Variants in MAN2A1 observed in about 807,000 individuals in gnomAD.
The protein encoded by MAN2A1 is alpha-mannosidase 2.
MAN2A1 carries 76 observed loss-of-function variants against 142.6 expected under a neutral mutation model. The ratio of observed to expected loss-of-function variants is 0.53; its 90% CI spans 0.44 to 0.65. The LOEUF (loss-of-function observed/expected upper bound fraction) is 0.65. Ranked by LOEUF, MAN2A1 falls within the 30% of genes least tolerant of loss-of-function variation. The probability of loss-of-function intolerance (pLI) is 0.00; values close to 1 mark genes in which losing one functional copy is unlikely to be tolerated. For missense variants in MAN2A1, 1,311 were observed against 1,365.1 expected, an observed-to-expected ratio of 0.96 and a Z score of 0.62; for synonymous variants, 559 against 473.2, an observed-to-expected ratio of 1.18 and a Z score of -2.35.
chr5:109,708,988 A>G (rs1751219479), intron 1 of MAN2A1, among the ~76,000 whole-genome samples: 1 of 152,216 alleles, frequency 6.6e-6, no homozygotes, highest in African/African-American at 2.4e-5. Context: ...GGGCAGCTCA[A>G]TAATTCTAAT....
At chr5:109,739,683 A>G (rs1752210462) in intron 4 of MAN2A1, among the ~76,000 whole-genome samples, 1 of 152,212 alleles carries the variant, frequency 6.6e-6, no homozygotes, top group African/African-American at 2.4e-5. Flanking sequence ...AACATGGTGT[A>G]ACTTGCCTTG....
chr5:109,821,970 A>G (rs17162308), intron 15 of MAN2A1, among the ~76,000 whole-genome samples: 26,729 of 151,606 alleles, frequency 0.18, 3,279 homozygotes, highest in East Asian at 0.64. Flanking sequence ...ATACCTCAAG[A>G]TCAGTGAAAT....
At chr5:109,780,544 G>A (rs398050288) in intron 8 of MAN2A1, among the ~76,000 whole-genome samples, 3 of 142,520 alleles carry the variant, frequency 2.1e-5, no homozygotes, top group South Asian at 4.7e-4. Context: ...GTGTGTGTGT[G>A]TGTGTATGTG....
intron 19 of MAN2A1, among the ~76,000 whole-genome samples, chr5:109,848,763 ACT>A (rs936742140): frequency 1.6e-4 from 24 of 151,998 alleles, no homozygotes; most frequent in Admixed American, 5.9e-4. Context: ...GCTTTTGAAC[ACT>A]CTGTTTTCTT....
At chr5:109,819,562 C>G (rs1219437195) in intron 13 of MAN2A1, 107 bp from the exon 14 acceptor site, 7 of 618,856 alleles carry the variant, frequency 1.1e-5, no homozygotes, top group African/African-American at 1.9e-5. Flanking sequence ...ACTGGATTCT[C>G]TTTTTAAAAA....
chr5:109,831,285 G>C (rs1295229831), intron 16 of MAN2A1, among the ~76,000 whole-genome samples: 1 of 152,204 alleles, frequency 6.6e-6, no homozygotes, highest in Non-Finnish European at 1.5e-5. Flanking sequence ...GAGTGAGTGA[G>C]CCAGATGGGT....
At chr5:109,728,674 T>C (rs1419421986) in intron 3 of MAN2A1, among the ~76,000 whole-genome samples, 2 of 152,226 alleles carry the variant, frequency 1.3e-5, no homozygotes, top group Admixed American at 6.5e-5. Flanking sequence ...TACAGTTCTC[T>C]TTTTGAAAAA....
intron 8 of MAN2A1, among the ~76,000 whole-genome samples, chr5:109,780,603 C>T (rs1215446203): frequency 6.7e-6 from 1 of 149,562 alleles, no homozygotes; most frequent in Middle Eastern, 3.2e-3. Flanking sequence ...GAACACATTC[C>T]CTGTTAAATA....
intron 12 of MAN2A1, chr5:109,804,417 T>C (rs763383007): frequency 9.8e-6 from 3 of 305,948 alleles, no homozygotes; most frequent in Middle Eastern, 1.1e-3. Flanking sequence ...AACTGAAACA[T>C]AGGGTTTCAG....
intron 4 of MAN2A1, among the ~76,000 whole-genome samples, chr5:109,752,756 C>T (rs1027452413): frequency 1.3e-5 from 2 of 152,146 alleles, no homozygotes; most frequent in Non-Finnish European, 2.9e-5. Context: ...GTTTTTCATG[C>T]CTCCTCAAAA....
intron 4 of MAN2A1, among the ~76,000 whole-genome samples, chr5:109,733,792 T>A (rs1010666205): frequency 1.3e-5 from 2 of 152,088 alleles, no homozygotes; most frequent in African/African-American, 2.4e-5. Flanking sequence ...TTTTGCATCA[T>A]TGTTCATCAA....
chr5:109,867,041 C>T lies in MAN2A1; in HGVS notation c.*43C>T. ...GGATTGAGAATCATTGGCTTTTATA[C>T]CTTTCTTGGTTTGACGTGCAATAAA... On this transcript the variant is annotated 3_prime_UTR_variant, in exon 22 of 22. Coordinates refer to ENST00000261483, the MANE Select transcript of MAN2A1 (RefSeq NM_002372.4). 6.4e-7 allele frequency: 1 copy of T among 1,556,818 alleles called. No individual in the cohort carries two copies. Among genetic ancestry groups the T allele is most frequent in the Non-Finnish European group, 8.7e-7 (1 of 1,144,542 alleles).
Position 109,817,403 on chromosome 5 carries a change from G to A in MAN2A1, c.2074G>A (p.Asp692Asn). 1.2e-6 allele frequency: 2 copies of A among 1,613,970 alleles called. No individual in the cohort carries two copies. The highest frequency in any genetic ancestry group is 1.7e-6 in the Non-Finnish European group (2 of 1,179,966). ...PVEVQVSAVW[D>N]TANTISETAY... ...GGAAGTTCAAGTCAGCGCAGTTTGG[G>A]ATACAGCAAATACTATTTCAGAAAC... Residue 692 changes from aspartate to asparagine, a missense_variant, in exon 13 of 22, where the codon GAT (aspartate) becomes AAT (asparagine). This residue lies in a region of MAN2A1 where 890 missense variants were observed against 920.5 expected (regional missense o/e 0.97). Coordinates refer to ENST00000261483, the MANE Select transcript of MAN2A1 (RefSeq NM_002372.4).
At chr5:109,816,754 G>A (rs1224626468) in intron 12 of MAN2A1, among the ~76,000 whole-genome samples, 6 of 151,986 alleles carry the variant, frequency 3.9e-5, no homozygotes, top group African/African-American at 1.2e-4. Flanking sequence ...GAATAAAACC[G>A]TATTTATATA....
At chr5:109,705,453 T>C (rs1751103369) in intron 1 of MAN2A1, among the ~76,000 whole-genome samples, 1 of 152,138 alleles carries the variant, frequency 6.6e-6, no homozygotes, top group South Asian at 2.1e-4. Context: ...GAAGACAGTT[T>C]ATGAGGTTGC....
intron 21 of MAN2A1, among the ~76,000 whole-genome samples, chr5:109,865,567 G>A (rs767938358): frequency 6.6e-6 from 1 of 152,206 alleles, no homozygotes; most frequent in Non-Finnish European, 1.5e-5. Flanking sequence ...CCATAAAGAA[G>A]CAACTGGGAA....
Position 109,770,357 on chromosome 5 carries a change from C to T in MAN2A1, c.1012C>T (p.Leu338=), listed in dbSNP as rs1298481982. The part of the protein sequence containing the change: ...LEFFWRQNWD[L]GSVTDILCHM... Reference sequence around the variant, plus strand: ...TGTGTGTTGGCTCTTTATTTTAGATCTGGGATCTGTCACAGATATTTTATG... The same window carrying T: ...TGTGTGTTGGCTCTTTATTTTAGATTTGGGATCTGTCACAGATATTTTATG... The change falls in exon 7 of 22, where the codon CTG becomes TTG. Residue 338 remains leucine (L), a splice_region_variant and synonymous_variant. Coordinates refer to ENST00000261483, the MANE Select transcript of MAN2A1 (RefSeq NM_002372.4). The T allele has an allele frequency of 1.2e-6, 2 of 1,610,434 alleles. No homozygotes were observed. Among genetic ancestry groups the T allele is most frequent in the Middle Eastern group, 1.7e-4 (1 of 6,040 alleles).
intron 12 of MAN2A1, among the ~76,000 whole-genome samples, chr5:109,795,511 A>T (rs2112687577): frequency 6.6e-6 from 1 of 152,318 alleles, no homozygotes; most frequent in Admixed American, 6.5e-5. Context: ...CAGTTGTAGG[A>T]ATACCAAAAC....
chr5:109,794,985 A>G (rs1399210812), intron 12 of MAN2A1, among the ~76,000 whole-genome samples: 2 of 152,120 alleles, frequency 1.3e-5, no homozygotes, highest in Non-Finnish European at 2.9e-5. Context: ...TGCTTTATCC[A>G]AAAGACTGAA....
Sources: gnomAD v4.1 joint callset for allele counts (sites outside exome capture counted in the v4.1 genomes callset) on GRCh38, gnomAD v4.1.1 for gene constraint, gnomAD v4.1.1 regional missense constraint, MANE v1.5 for transcripts, NCBI Gene and HGNC (gene_info 2026-07-23, HGNC 2026-07-21) for gene names.